RBM20: variants seen among roughly 807,000 people sequenced by gnomAD.
RBM20 encodes RNA-binding protein 20.
RBM20 carries 51 observed loss-of-function variants against 110.1 expected under a neutral mutation model. That is an observed-to-expected ratio of 0.46 (90% CI 0.37 to 0.59). RBM20 has a LOEUF of 0.59. RBM20 is among the 20% of genes least tolerant of loss of function. The probability of loss-of-function intolerance (pLI) is 0.00; values close to 1 mark genes in which losing one functional copy is unlikely to be tolerated. For missense variants in RBM20, 1,512 were observed against 1,574.9 expected (o/e 0.96, Z 0.68); for synonymous variants, 589 against 618.2 (o/e 0.95, Z 0.70).
At chr10:110,649,053 T>C (rs1174971603) in intron 1 of RBM20, among the ~76,000 whole-genome samples, 1 of 152,140 alleles carries the variant, frequency 6.6e-6, no homozygotes, top group Non-Finnish European at 1.5e-5. Context: ...TGCTACCTCC[T>C]TCGCAGTTTA....
At chr10:110,737,191 A>AAAAAAAAAAC (rs1564830214) in intron 1 of RBM20, among the ~76,000 whole-genome samples, 1 of 143,860 alleles carries the variant, frequency 7.0e-6, no homozygotes, top group African/African-American at 2.6e-5. Context: ...AAAAAAAAAA[A>AAAAAAAAAAC]AAAAAACACC....
At chr10:110,671,176 T>C (rs1027429348) in intron 1 of RBM20, among the ~76,000 whole-genome samples, 6 of 152,210 alleles carry the variant, frequency 3.9e-5, no homozygotes, top group African/African-American at 1.4e-4. Context: ...CATGTACACA[T>C]ACCTCCTCAC....
intron 12 of RBM20, among the ~76,000 whole-genome samples, chr10:110,824,527 T>C (rs1844958748): frequency 6.6e-6 from 1 of 152,126 alleles, no homozygotes; most frequent in African/African-American, 2.4e-5. Context: ...TGAGCCTTAG[T>C]TTCCTCTCTG....
chr10:110,721,062 G>A (rs1843499169), intron 1 of RBM20, among the ~76,000 whole-genome samples: 1 of 152,178 alleles, frequency 6.6e-6, no homozygotes. Flanking sequence ...TTTCCTGCAG[G>A]CACCTGCTCA....
At chr10:110,724,480 G>A (rs1005238270) in intron 1 of RBM20, among the ~76,000 whole-genome samples, 12 of 152,190 alleles carry the variant, frequency 7.9e-5, no homozygotes, top group African/African-American at 2.9e-4. Flanking sequence ...GCTTCGTCAA[G>A]ATTTTCTCAG....
Position 110,742,340 on chromosome 10 carries a change from G to A in RBM20, c.192-38461G>A, listed in dbSNP as rs546765833. Among the ~76,000 whole-genome samples the A allele has an allele frequency of 6.1e-4, 93 of 152,328 alleles. 1 individual carries two copies. The highest frequency in any genetic ancestry group is 2.0e-3 in the African/African-American group (85 of 41,568). ...CCATTTCTTTCTTAGCTCCCAGGCT[G>A]GAGGCCTTTTCCCAGGTCTCTAATG... On this transcript the variant is annotated intron_variant, in intron 1 of 13. Coordinates refer to ENST00000369519, the MANE Select transcript of RBM20 (RefSeq NM_001134363.3).
chr10:110,815,718 C>G (rs1272117046), intron 9 of RBM20, among the ~76,000 whole-genome samples: 2 of 152,208 alleles, frequency 1.3e-5, no homozygotes, highest in Admixed American at 6.5e-5. Context: ...CCACCCTGCT[C>G]TCATCGGTTT....
intron 9 of RBM20, among the ~76,000 whole-genome samples, chr10:110,817,674 C>T (rs1056976864): frequency 2.0e-5 from 3 of 152,176 alleles, no homozygotes; most frequent in South Asian, 4.1e-4. Flanking sequence ...GATGAAGGTA[C>T]GCAATGCTGT....
chr10:110,783,376 T>C lies in RBM20; in HGVS notation c.1286T>C (p.Leu429Pro), dbSNP rs61735272. The C allele has an allele frequency of 2.0e-3, 3,087 of 1,551,300 alleles. 6 individuals are homozygous for C. Among genetic ancestry groups the C allele is most frequent in the Non-Finnish European group, 2.5e-3 (2,837 of 1,146,652 alleles). Residue 429 changes from leucine (L) to proline (P), a missense_variant, in exon 3 of 14, where the codon CTG becomes CCG. By Grantham distance (98) the Leu-to-Pro change is moderately conservative. This residue lies in a region of RBM20 where 1,149 missense variants were observed against 1,169.4 expected (regional missense o/e 0.98). Transcript: ENST00000369519. Reference protein sequence around the residue: ...KKVFDLKDWELHVKGKLHAQK... With the variant: ...KKVFDLKDWEPHVKGKLHAQK... ...TTCCTTCTGACCTAGGACTGGGAGC[T>C]GCATGTGAAAGGGAAGCTGCACGCT...
chr10:110,748,850 C>A (rs1292700825), intron 1 of RBM20, among the ~76,000 whole-genome samples: 2 of 152,186 alleles, frequency 1.3e-5, no homozygotes, highest in African/African-American at 4.8e-5. Context: ...ACAAAGGAGA[C>A]CATGTGCCCA....
chr10:110,707,001 C>G (rs891539886), intron 1 of RBM20, among the ~76,000 whole-genome samples: 1 of 152,178 alleles, frequency 6.6e-6, no homozygotes, highest in African/African-American at 2.4e-5. Flanking sequence ...CCCAGGGAGG[C>G]TCTAGGATGG....
chr10:110,665,770 T>C (rs1427934310), intron 1 of RBM20, among the ~76,000 whole-genome samples: 1 of 152,196 alleles, frequency 6.6e-6, no homozygotes, highest in Non-Finnish European at 1.5e-5. Context: ...TTAAAAAGAA[T>C]ATTATTTATT....
chr10:110,750,301 C>T (rs996461562), intron 1 of RBM20, among the ~76,000 whole-genome samples: 3 of 152,166 alleles, frequency 2.0e-5, no homozygotes, highest in African/African-American at 7.2e-5. Context: ...ATTGCCAAAC[C>T]CAAAATCCTG....
At chr10:110,700,049 T>C (rs1230502875) in intron 1 of RBM20, among the ~76,000 whole-genome samples, 1 of 152,188 alleles carries the variant, frequency 6.6e-6, no homozygotes, top group Non-Finnish European at 1.5e-5. Flanking sequence ...AATTTAAAAC[T>C]TACGAATTAT....
chr10:110,691,733 C>T (rs958510189), intron 1 of RBM20, among the ~76,000 whole-genome samples: 3 of 152,162 alleles, frequency 2.0e-5, no homozygotes, highest in Non-Finnish European at 2.9e-5. Context: ...TGTCTTTTTA[C>T]TCTCTTGATA....
At chr10:110,806,701 C>T (rs967509491) in intron 7 of RBM20, among the ~76,000 whole-genome samples, 9 of 152,252 alleles carry the variant, frequency 5.9e-5, no homozygotes, top group Admixed American at 1.3e-4. Context: ...ATGGATTCTT[C>T]GGGGTTCAGT....
intron 7 of RBM20, among the ~76,000 whole-genome samples, chr10:110,806,570 C>A (rs375383137): frequency 6.6e-6 from 1 of 152,276 alleles, no homozygotes; most frequent in African/African-American, 2.4e-5. Flanking sequence ...AGTCACCTCC[C>A]ACCAGGCCCC....
At chr10:110,723,396 G>T (rs956876573) in intron 1 of RBM20, among the ~76,000 whole-genome samples, 1 of 152,056 alleles carries the variant, frequency 6.6e-6, no homozygotes, top group Non-Finnish European at 1.5e-5. Context: ...TTTCCTGTCT[G>T]TGTGGATTTG....
intron 1 of RBM20, among the ~76,000 whole-genome samples, chr10:110,698,091 G>A (rs532906297): frequency 1.3e-5 from 2 of 151,942 alleles, no homozygotes; most frequent in South Asian, 2.1e-4. Flanking sequence ...TGTATTTTTA[G>A]TAGAGACGGG....
Sources: allele counts gnomAD v4.1 joint callset (sites outside exome capture counted in the v4.1 genomes callset), GRCh38; gene constraint gnomAD v4.1.1; regional missense constraint gnomAD v4.1.1; transcripts MANE v1.5; gene names NCBI Gene and HGNC (gene_info 2026-07-23, HGNC 2026-07-21).